The following FRMPD2 variants were observed in gnomAD, a reference collection of about 807,000 sequenced individuals.
FRMPD2 encodes the protein FERM and PDZ domain containing 2, also known as FERM and PDZ domain-containing protein 2.
In FRMPD2, 96 loss-of-function variants were observed where a neutral mutation model predicts 140.1. The ratio of observed to expected loss-of-function variants is 0.69; its 90% CI spans 0.58 to 0.81. The LOEUF (loss-of-function observed/expected upper bound fraction) is 0.81. FRMPD2 is among the 40% of genes least tolerant of loss of function. The pLI, the probability that FRMPD2 is intolerant of heterozygous loss-of-function variation, is 0.00. For missense variants in FRMPD2, 1,240 were observed against 1,447.4 expected, an observed-to-expected ratio of 0.86 and a Z score of 2.32; for synonymous variants, 449 against 547.6, an observed-to-expected ratio of 0.82 and a Z score of 2.52.
intron 20 of FRMPD2, among the ~76,000 whole-genome samples, chr10:48,183,547 C>T (rs1056204747): frequency 1.2e-4 from 18 of 152,116 alleles, no homozygotes; most frequent in South Asian, 4.2e-4. Flanking sequence ...GAGCTTGCCA[C>T]GAAAATTCAG....
intron 5 of FRMPD2, 49 bp from the exon 6 acceptor site, chr10:48,240,541 C>T (rs752586873): frequency 1.1e-5 from 18 of 1,607,480 alleles, no homozygotes; most frequent in Admixed American, 3.3e-5. Context: ...AAGGAGGGGG[C>T]GTTTTTATAG....
chr10:48,255,161 A>C (rs996386827), intron 1 of FRMPD2, among the ~76,000 whole-genome samples: 1 of 152,028 alleles, frequency 6.6e-6, no homozygotes, highest in Non-Finnish European at 1.5e-5. Context: ...GACCCTCTAT[A>C]CTGACTCCAC....
chr10:48,255,089 G>T lies in FRMPD2; in HGVS notation c.26-3398C>A, dbSNP rs192815480. 7.2e-3 allele frequency among the ~76,000 whole-genome samples: 1,022 copies of T among 142,724 alleles called. 11 individuals carry two copies. The highest frequency in any genetic ancestry group is 0.024 in the African/African-American group (949 of 39,948). The allele number at this position is 142,724 out of a possible 152,430, so 93.6% of individuals were successfully genotyped here. ...AAAGCATCCAGTCAATGGGCATTTT[G>T]GGGGGGCCCCTCCACTACCCTTATC... is the stretch of plus-strand genomic sequence containing the variant. On this transcript the variant is annotated intron_variant, in intron 1 of 28. Transcript: ENST00000374201.
chr10:48,187,144 T>G, intron 17 of FRMPD2, 48 bp downstream of exon 17: 1 of 1,313,972 alleles, frequency 7.6e-7, no homozygotes, highest in Non-Finnish European at 1.1e-6. Flanking sequence ...GCAAGCTTCC[T>G]GCGTAGGGGT....
intron 16 of FRMPD2, 23 bp downstream of exon 16, chr10:48,192,661 G>A: frequency 6.2e-7 from 1 of 1,604,398 alleles, no homozygotes; most frequent in Non-Finnish European, 8.5e-7. Flanking sequence ...TTTGGGCCCA[G>A]AGAACAAATG....
intron 10 of FRMPD2, among the ~76,000 whole-genome samples, chr10:48,224,454 G>C (rs72792233): frequency 6.6e-6 from 1 of 152,078 alleles, no homozygotes; most frequent in East Asian, 1.9e-4. Context: ...GCATGCTGGG[G>C]TGGGGAGGGG....
chr10:48,166,201 G>C (rs1838097617), intron 27 of FRMPD2, among the ~76,000 whole-genome samples: 1 of 122,956 alleles, frequency 8.1e-6, no homozygotes, highest in Non-Finnish European at 1.8e-5. Flanking sequence ...CCCTGCATTG[G>C]TGGTACCACC....
At chr10:48,213,266 C>T (rs545396742) in intron 12 of FRMPD2, among the ~76,000 whole-genome samples, 72 of 152,314 alleles carry the variant, frequency 4.7e-4, no homozygotes, top group African/African-American at 1.7e-3. Flanking sequence ...GTTCAGCAGG[C>T]TAGTGCATAA....
At chr10:48,235,826 C>T (rs1402578002) in intron 9 of FRMPD2, among the ~76,000 whole-genome samples, 1 of 152,138 alleles carries the variant, frequency 6.6e-6, no homozygotes, top group African/African-American at 2.4e-5. Flanking sequence ...CAGGGTGAGA[C>T]CAGCCACACA....
chr10:48,259,300 G>A (rs1840539326), intron 1 of FRMPD2, among the ~76,000 whole-genome samples: 1 of 152,122 alleles, frequency 6.6e-6, no homozygotes, highest in African/African-American at 2.4e-5. Context: ...CCCACTTCCA[G>A]ATGAGTAAAC....
intron 22 of FRMPD2, among the ~76,000 whole-genome samples, chr10:48,177,121 T>C (rs1838430087): frequency 1.3e-5 from 2 of 150,588 alleles, no homozygotes; most frequent in African/African-American, 4.9e-5. Flanking sequence ...TTTTTTTTTT[T>C]TTTTGAGACA....
chr10:48,246,674 G>A (rs1489073645), intron 3 of FRMPD2, among the ~76,000 whole-genome samples: 1 of 152,198 alleles, frequency 6.6e-6, no homozygotes, highest in African/African-American at 2.4e-5. Flanking sequence ...CAAGGAGAGG[G>A]GTCTGGGTAC....
intron 28 of FRMPD2, chr10:48,159,095 G>A: frequency 4.5e-6 from 2 of 448,894 alleles, no homozygotes; most frequent in Admixed American, 4.9e-5. Context: ...CAAAGTTTGG[G>A]GTTTGTGTCC....
intron 3 of FRMPD2, 51 bp from the exon 4 acceptor site, chr10:48,244,900 A>G: frequency 7.5e-7 from 1 of 1,332,546 alleles, no homozygotes; most frequent in East Asian, 2.3e-5. Flanking sequence ...CTGTTATTCC[A>G]TGGCTCTGCA....
At position 48,206,850 on chromosome 10, in the gene FRMPD2, C is replaced by T. The variant is rs941199185; in HGVS notation, c.1695G>A (p.Leu565=). Residue 565 remains leucine (L), a synonymous_variant, in exon 14 of 29, where the codon CTG becomes CTA. Coordinates refer to ENST00000374201, the MANE Select transcript of FRMPD2 (RefSeq NM_001018071.4). ...CTATGACACCCTTGGCACAGATCCCCAGGGCCATCTCCTCTTCTGGCCTCC... is the reference window on the plus strand; with the variant it reads ...CTATGACACCCTTGGCACAGATCCCTAGGGCCATCTCCTCTTCTGGCCTCC... The part of the protein sequence containing the change: ...EKRRPEEEMA[L]GICAKGVIVY... 2.5e-6 allele frequency: 4 copies of T among 1,613,864 alleles called. No individual in the cohort carries two copies. The highest frequency in any genetic ancestry group is 2.5e-6 in the Non-Finnish European group (3 of 1,179,866).
intron 10 of FRMPD2, among the ~76,000 whole-genome samples, chr10:48,224,169 T>A (rs1839671950): frequency 6.6e-6 from 1 of 152,096 alleles, no homozygotes; most frequent in Non-Finnish European, 1.5e-5. Context: ...GGAGGGAGAC[T>A]GAATCAGCCC....
At chr10:48,217,258 T>C (rs1480714327) in intron 12 of FRMPD2, among the ~76,000 whole-genome samples, 1 of 152,246 alleles carries the variant, frequency 6.6e-6, no homozygotes. Context: ...GCTTTGGTGC[T>C]GGATAAATGG....
At chr10:48,243,938 T>C (rs898048740) in intron 4 of FRMPD2, among the ~76,000 whole-genome samples, 24 of 152,232 alleles carry the variant, frequency 1.6e-4, no homozygotes, top group African/African-American at 5.5e-4. Flanking sequence ...CAAACACTTC[T>C]ATTCTGTAGT....
chr10:48,182,868 A>T (rs1273779161), intron 20 of FRMPD2, among the ~76,000 whole-genome samples: 1 of 152,204 alleles, frequency 6.6e-6, no homozygotes, highest in South Asian at 2.1e-4. Flanking sequence ...TGCTCCTGTC[A>T]GTGGAGGATG....
Sources: gnomAD v4.1 joint callset for allele counts (sites outside exome capture counted in the v4.1 genomes callset) on GRCh38, gnomAD v4.1.1 for gene constraint, MANE v1.5 for transcripts, NCBI Gene and HGNC (gene_info 2026-07-23, HGNC 2026-07-21) for gene names.